The following EBF1 variants were observed in gnomAD, a reference collection of about 807,000 sequenced individuals.
The protein encoded by EBF1 is transcription factor COE1.
Under a neutral mutation model 68.4 loss-of-function variants are expected in EBF1, and 10 were observed. The observed-to-expected ratio is 0.15, with a 90% CI of 0.09 to 0.25. EBF1 has a LOEUF of 0.25. Ranked by LOEUF, EBF1 falls within the 10% of genes least tolerant of loss-of-function variation. The pLI, the probability that EBF1 is intolerant of heterozygous loss-of-function variation, is 1.00. For missense variants in EBF1, 509 were observed against 794.4 expected (o/e 0.64, Z 4.32); for synonymous variants, 298 against 299.8 (o/e 0.99, Z 0.06).
intron 6 of EBF1, among the ~76,000 whole-genome samples, chr5:158,924,852 CAA>C (rs34744460): frequency 2.4e-4 from 12 of 50,886 alleles, no homozygotes; most frequent in Middle Eastern, 9.4e-3. Context: ...GACTCTGTCT[CAA>C]AAAAAAAAAA....
Position 159,073,388 on chromosome 5 carries a change from G to T in EBF1, c.554+8C>A. On this transcript the variant is annotated splice_region_variant and intron_variant, in intron 6 of 15. Coordinates refer to ENST00000313708, the MANE Select transcript of EBF1 (RefSeq NM_024007.5). Reference sequence around the variant, plus strand: ...ATAAGAATCCAGTGAAAGAAGAGTGGTCCCTACCTGTCAATTATCACTGGA... The same window carrying T: ...ATAAGAATCCAGTGAAAGAAGAGTGTTCCCTACCTGTCAATTATCACTGGA... The T allele has an allele frequency of 6.2e-7, 1 of 1,613,794 alleles. No homozygotes were observed. The highest frequency in any genetic ancestry group is 1.1e-5 in the South Asian group (1 of 91,062).
At chr5:158,937,558 C>T (rs769307314) in intron 6 of EBF1, among the ~76,000 whole-genome samples, 3 of 152,244 alleles carry the variant, frequency 2.0e-5, no homozygotes, top group Non-Finnish European at 4.4e-5. Flanking sequence ...CTCAGGGTCA[C>T]GCAAAGGGGT....
At chr5:159,085,825 G>A (rs1780542607) in intron 4 of EBF1, among the ~76,000 whole-genome samples, 1 of 152,006 alleles carries the variant, frequency 6.6e-6, no homozygotes, top group Non-Finnish European at 1.5e-5. Flanking sequence ...AGACTAACTT[G>A]TAGTTGACTC....
intron 10 of EBF1, among the ~76,000 whole-genome samples, chr5:158,737,346 C>G (rs1765430250): frequency 8.0e-6 from 1 of 124,892 alleles, no homozygotes; most frequent in Non-Finnish European, 1.6e-5. Context: ...TGCAGTGGCG[C>G]GATCTCGGCT....
rs7709643 is a variant in EBF1 at position 158,751,853 on chromosome 5, G to T, written c.1037-20696C>A. On this transcript the variant is annotated intron_variant, in intron 10 of 15. Coordinates refer to ENST00000313708, the MANE Select transcript of EBF1 (RefSeq NM_024007.5). ...TGGCCAAAATATTTATAAAACATTT[G>T]AGCATTTGTAAGTTGCTGAGGCAAG... Among the ~76,000 whole-genome samples the T allele has an allele frequency of 3.5e-3, 530 of 152,146 alleles. 6 individuals are homozygous for T. Among genetic ancestry groups the T allele is most frequent in the African/African-American group, 0.012 (507 of 41,532 alleles).
At chr5:158,817,488 A>G (rs1484607338) in intron 8 of EBF1, among the ~76,000 whole-genome samples, 1 of 152,054 alleles carries the variant, frequency 6.6e-6, no homozygotes, top group Non-Finnish European at 1.5e-5. Context: ...TCACCTTTCC[A>G]CAATAGGATG....
intron 6 of EBF1, among the ~76,000 whole-genome samples, chr5:159,060,206 A>T (rs993785271): frequency 6.6e-6 from 1 of 152,222 alleles, no homozygotes; most frequent in African/African-American, 2.4e-5. Flanking sequence ...AAAAATAATT[A>T]AAAACATATA....
At chr5:158,785,220 T>C (rs1270766564) in intron 9 of EBF1, among the ~76,000 whole-genome samples, 2 of 152,156 alleles carry the variant, frequency 1.3e-5, no homozygotes, top group Admixed American at 6.5e-5. Flanking sequence ...TTTAAAGAGA[T>C]ACCAAGGTGT....
Position 158,946,624 on chromosome 5 carries a change from C to T in EBF1, c.555-106514G>A, listed in dbSNP as rs997147440. Reference sequence around the variant, plus strand: ...TCTCCTGTATGACGTGTCTGTCGACCACTGCTGGGAGGTGTCTCTCCATCA... The same window carrying T: ...TCTCCTGTATGACGTGTCTGTCGACTACTGCTGGGAGGTGTCTCTCCATCA... On this transcript the variant is annotated intron_variant, in intron 6 of 15. Transcript: ENST00000313708. Among the ~76,000 whole-genome samples, 7 of 152,334 alleles carry T rather than the reference C, an allele frequency of 4.6e-5. No individual in the cohort carries two copies. The East Asian group carries it at 1.4e-3, about 29-fold the overall frequency.
chr5:159,096,451 G>C (rs765411263), intron 2 of EBF1, 45 bp from the exon 3 acceptor site: 1 of 1,600,078 alleles, frequency 6.2e-7, no homozygotes, highest in Non-Finnish European at 8.5e-7. Flanking sequence ...GCAGGAGAGA[G>C]GTCTGCGTGA....
intron 5 of EBF1, among the ~76,000 whole-genome samples, chr5:159,083,605 G>A (rs568858190): frequency 2.6e-4 from 40 of 152,304 alleles, no homozygotes; most frequent in African/African-American, 7.2e-4. Flanking sequence ...CACTCAGAAA[G>A]CACATTAAGC....
intron 6 of EBF1, among the ~76,000 whole-genome samples, chr5:158,906,876 T>C (rs1011417974): frequency 6.6e-6 from 1 of 152,264 alleles, no homozygotes. Flanking sequence ...TCCTTTATTG[T>C]TGACCAGGGA....
chr5:158,888,762 A>C (rs1044518358), intron 6 of EBF1, among the ~76,000 whole-genome samples: 2 of 152,026 alleles, frequency 1.3e-5, no homozygotes, highest in African/African-American at 4.8e-5. Flanking sequence ...CATCCCTCCC[A>C]TAATGCAATT....
intron 10 of EBF1, among the ~76,000 whole-genome samples, chr5:158,771,774 A>G (rs1472912170): frequency 6.6e-6 from 1 of 152,110 alleles, no homozygotes; most frequent in Non-Finnish European, 1.5e-5. Context: ...GGGAGCACCA[A>G]AGTCAGTCCG....
At chr5:158,762,526 ATTTT>A (rs1258677423) in intron 10 of EBF1, among the ~76,000 whole-genome samples, 2 of 152,026 alleles carry the variant, frequency 1.3e-5, no homozygotes, top group African/African-American at 4.8e-5. Context: ...TACAATCTTG[ATTTT>A]TTGTTTTGTT....
intron 7 of EBF1, among the ~76,000 whole-genome samples, chr5:158,826,261 A>G (rs1370009961): frequency 3.5e-5 from 5 of 141,620 alleles, no homozygotes; most frequent in Non-Finnish European, 8.0e-5. Context: ...GAATTTCACG[A>G]TATCTGTTAT....
chr5:159,039,304 T>A (rs1177011947), intron 6 of EBF1, among the ~76,000 whole-genome samples: 1 of 152,246 alleles, frequency 6.6e-6, no homozygotes, highest in East Asian at 1.9e-4. Flanking sequence ...ACTTTCAGAA[T>A]CTATACAAAA....
At chr5:158,727,586 G>C (rs2127536409) in intron 11 of EBF1, among the ~76,000 whole-genome samples, 1 of 152,278 alleles carries the variant, frequency 6.6e-6, no homozygotes, top group South Asian at 2.1e-4. Flanking sequence ...AAAAACCTTA[G>C]CCTGCCCTTT....
chr5:158,893,189 G>T (rs1024977789), intron 6 of EBF1, among the ~76,000 whole-genome samples: 3 of 152,154 alleles, frequency 2.0e-5, no homozygotes, highest in Non-Finnish European at 4.4e-5. Flanking sequence ...TGAATGGCTT[G>T]CTCAACCATC....
Sources: allele counts gnomAD v4.1 joint callset (sites outside exome capture counted in the v4.1 genomes callset), GRCh38; gene constraint gnomAD v4.1.1; transcripts MANE v1.5; gene names NCBI Gene and HGNC (gene_info 2026-07-23, HGNC 2026-07-21).